GRIK1: variants seen among roughly 807,000 people sequenced by gnomAD.
The protein encoded by GRIK1 is glutamate ionotropic receptor kainate type subunit 1, also known as glutamate receptor ionotropic, kainate 1.
Under a neutral mutation model 105.7 loss-of-function variants are expected in GRIK1, and 69 were observed. The ratio of observed to expected loss-of-function variants is 0.65; its 90% CI spans 0.54 to 0.80. The LOEUF (loss-of-function observed/expected upper bound fraction) is 0.80. GRIK1 is among the 30% of genes least tolerant of loss of function. The pLI, the probability that GRIK1 is intolerant of heterozygous loss-of-function variation, is 0.00. For synonymous variants in GRIK1, 438 were observed against 431.3 expected (o/e 1.02, Z -0.19); for missense variants, 1,109 against 1,167.3 (o/e 0.95, Z 0.73).
At chr21:29,544,195 CTGT>C (rs1747727566) in intron 16 of GRIK1, among the ~76,000 whole-genome samples, 1 of 152,186 alleles carries the variant, frequency 6.6e-6, no homozygotes, top group Non-Finnish European at 1.5e-5. Context: ...TGTCTTCCTC[CTGT>C]TGTTCATCTT....
intron 3 of GRIK1, among the ~76,000 whole-genome samples, chr21:29,679,416 G>A (rs1165687031): frequency 2.6e-5 from 4 of 152,104 alleles, no homozygotes; most frequent in Non-Finnish European, 4.4e-5. Context: ...CATCTGTCTG[G>A]TGCTCATTTC....
chr21:29,937,179 A>C (rs2071788544), intron 1 of GRIK1, among the ~76,000 whole-genome samples: 1 of 152,318 alleles, frequency 6.6e-6, no homozygotes, highest in Non-Finnish European at 1.5e-5. Context: ...GACTGACACA[A>C]GAAAGTCACT....
intron 1 of GRIK1, among the ~76,000 whole-genome samples, chr21:29,843,546 G>A (rs1418585202): frequency 1.3e-5 from 2 of 151,944 alleles, no homozygotes; most frequent in Non-Finnish European, 2.9e-5. Flanking sequence ...TTTTTTAAAT[G>A]TAAAAGGCCT....
intron 1 of GRIK1, chr21:29,861,654 A>G (rs778771245): frequency 2.2e-6 from 1 of 454,600 alleles, no homozygotes; most frequent in South Asian, 1.6e-5. Context: ...TAACTTGCTG[A>G]GAATCTTTCT....
chr21:29,761,984 G>A (rs914039807), intron 1 of GRIK1, among the ~76,000 whole-genome samples: 3 of 152,164 alleles, frequency 2.0e-5, no homozygotes, highest in Non-Finnish European at 2.9e-5. Context: ...CCTACCTCAG[G>A]TGATCCACCT....
chr21:29,934,965 T>C (rs1235038205), intron 1 of GRIK1, among the ~76,000 whole-genome samples: 1 of 152,182 alleles, frequency 6.6e-6, no homozygotes, highest in African/African-American at 2.4e-5. Flanking sequence ...ATACCTTCTC[T>C]TTAGACTTTC....
intron 1 of GRIK1, among the ~76,000 whole-genome samples, chr21:29,795,943 A>G (rs183934846): frequency 6.6e-6 from 1 of 152,174 alleles, no homozygotes; most frequent in East Asian, 1.9e-4. Context: ...TCAAAATCAT[A>G]CTTCTTCAAT....
At chr21:29,672,860 C>A (rs2063185014) in intron 4 of GRIK1, 123 bp downstream of exon 4, 1 of 716,004 alleles carries the variant, frequency 1.4e-6, no homozygotes, top group East Asian at 2.5e-5. Flanking sequence ...AAATTATAAT[C>A]TTTAGCATAA....
intron 1 of GRIK1, among the ~76,000 whole-genome samples, chr21:29,814,216 G>A (rs1388705264): frequency 6.6e-6 from 1 of 151,326 alleles, no homozygotes; most frequent in African/African-American, 2.4e-5. Flanking sequence ...CTCCCAAAGT[G>A]CTGGGATTAC....
At chr21:29,843,955 C>A (rs1467435530) in intron 1 of GRIK1, among the ~76,000 whole-genome samples, 2 of 152,202 alleles carry the variant, frequency 1.3e-5, no homozygotes, top group African/African-American at 4.8e-5. Context: ...TCCAAGTTTT[C>A]ACTCTGTGAT....
chr21:29,898,968 G>A (rs961390929), intron 1 of GRIK1, among the ~76,000 whole-genome samples: 8 of 138,032 alleles, frequency 5.8e-5, no homozygotes, highest in South Asian at 2.5e-4. Flanking sequence ...GTGAAACTCC[G>A]TCTCAAAAAA....
At chr21:29,864,707 C>T (rs1487876979) in intron 1 of GRIK1, among the ~76,000 whole-genome samples, 1 of 151,914 alleles carries the variant, frequency 6.6e-6, no homozygotes, top group African/African-American at 2.4e-5. Context: ...TCATTATGCA[C>T]TTTGTCTTTA....
At chr21:29,680,720 T>G (rs539543953) in intron 3 of GRIK1, among the ~76,000 whole-genome samples, 1 of 152,284 alleles carries the variant, frequency 6.6e-6, no homozygotes, top group Non-Finnish European at 1.5e-5. Flanking sequence ...AATCATTTCA[T>G]CATTGTTGTT....
At chr21:29,654,236 A>G (rs2062799970) in intron 5 of GRIK1, among the ~76,000 whole-genome samples, 1 of 152,196 alleles carries the variant, frequency 6.6e-6, no homozygotes, top group African/African-American at 2.4e-5. Flanking sequence ...ATTCTCCATG[A>G]TCAGATAGTC....
rs1466455286 is a variant in GRIK1, at chr21:29,711,346, A to G, written c.119-17283T>C. ...ACAGTAGCATACTGCACAGGTTTGC[A>G]GCCTAGGAGCAGTAGGCTATACCAT... On this transcript the variant is annotated intron_variant, in intron 1 of 17. Coordinates refer to ENST00000327783, the MANE Select transcript of GRIK1 (RefSeq NM_001330994.2). Among the ~76,000 whole-genome samples the G allele has an allele frequency of 2.6e-5, 4 of 152,216 alleles. No individual in the cohort carries two copies. In the East Asian group the frequency reaches 7.7e-4, roughly 29 times the overall value.
intron 1 of GRIK1, among the ~76,000 whole-genome samples, chr21:29,738,851 A>G (rs1354463687): frequency 6.6e-6 from 1 of 152,240 alleles, no homozygotes; most frequent in African/African-American, 2.4e-5. Context: ...CTTCAGATAA[A>G]GAAACTAGAT....
At chr21:29,779,342 G>GTA (rs1457450800) in intron 1 of GRIK1, among the ~76,000 whole-genome samples, 5 of 21,548 alleles carry the variant, frequency 2.3e-4, no homozygotes, top group African/African-American at 3.6e-4. Context: ...GTGAGTGTGT[G>GTA]TGTGTGTGTG....
chr21:29,931,886 T>C (rs1198694730), intron 1 of GRIK1, among the ~76,000 whole-genome samples: 1 of 152,162 alleles, frequency 6.6e-6, no homozygotes, highest in Non-Finnish European at 1.5e-5. Flanking sequence ...TAAAAAATAA[T>C]ATGTTTTAAT....
intron 1 of GRIK1, among the ~76,000 whole-genome samples, chr21:29,922,105 G>A (rs898165028): frequency 2.0e-5 from 3 of 152,046 alleles, no homozygotes; most frequent in African/African-American, 7.2e-5. Flanking sequence ...CCGCTCTTGG[G>A]TTACATGCAA....
Sources: gnomAD v4.1 joint callset for allele counts (sites outside exome capture counted in the v4.1 genomes callset) on GRCh38, gnomAD v4.1.1 for gene constraint, MANE v1.5 for transcripts, NCBI Gene and HGNC (gene_info 2026-07-23, HGNC 2026-07-21) for gene names.